Variants in RPSA2 observed in about 807,000 individuals in gnomAD.
The protein encoded by RPSA2 is ribosomal protein SA 2.
At chr19:23,794,684 G>T in the RPSA2 span, among the ~76,000 whole-genome samples, 1 of 152,012 alleles carries the variant, frequency 6.6e-6, no homozygotes, top group African/African-American at 2.4e-5. Flanking sequence ...AAGCTCTTTA[G>T]TTTAATTAGG....
At chr19:23,847,704 C>A in the RPSA2 span, among the ~76,000 whole-genome samples, 1 of 152,252 alleles carries the variant, frequency 6.6e-6, no homozygotes, top group East Asian at 1.9e-4. Flanking sequence ...GCTGGAGTTT[C>A]CCAATCCTAG....
the RPSA2 span, among the ~76,000 whole-genome samples, chr19:23,761,921 T>TCTC: frequency 1.2e-4 from 9 of 76,138 alleles, 2 homozygotes; most frequent in Admixed American, 3.3e-4. Context: ...TCTTTCTTTC[T>TCTC]TTTTTTTTTT....
the RPSA2 span, among the ~76,000 whole-genome samples, chr19:23,834,321 T>C: frequency 3.5e-4 from 1 of 2,836 alleles, no homozygotes; most frequent in Non-Finnish European, 0.019. Flanking sequence ...CTTCATGCTC[T>C]TCCATATTCC....
At chr19:23,773,956 G>T in the RPSA2 span, among the ~76,000 whole-genome samples, 1 of 151,030 alleles carries the variant, frequency 6.6e-6, no homozygotes, top group East Asian at 2.0e-4. Context: ...GCACCTTCCT[G>T]CAGGTTTAAT....
At chr19:23,836,417 A>G in the RPSA2 span, among the ~76,000 whole-genome samples, 67 of 152,090 alleles carry the variant, frequency 4.4e-4, no homozygotes, top group African/African-American at 1.5e-3. Context: ...CCACTCGTTG[A>G]TTGATGGGCA....
At chr19:23,834,762 C>G in the RPSA2 span, among the ~76,000 whole-genome samples, 1 of 152,010 alleles carries the variant, frequency 6.6e-6, no homozygotes, top group Non-Finnish European at 1.5e-5. Context: ...TTAACCTATT[C>G]CATCTTACAC....
At chr19:23,836,580 T>A in the RPSA2 span, among the ~76,000 whole-genome samples, 1 of 152,220 alleles carries the variant, frequency 6.6e-6, no homozygotes, top group Non-Finnish European at 1.5e-5. Context: ...TTTAGTTCTT[T>A]AAGGAATTTC....
the RPSA2 span, among the ~76,000 whole-genome samples, chr19:23,821,504 C>CCT: frequency 6.6e-6 from 1 of 152,226 alleles, no homozygotes; most frequent in East Asian, 1.9e-4. Flanking sequence ...TCTTCCCTGC[C>CCT]TCCCCCACTT....
chr19:23,871,110 G>A, the RPSA2 span, among the ~76,000 whole-genome samples: 5 of 152,250 alleles, frequency 3.3e-5, no homozygotes, highest in African/African-American at 1.2e-4. Flanking sequence ...CTAGAACTCA[G>A]GGCCCTTGTT....
the RPSA2 span, among the ~76,000 whole-genome samples, chr19:23,834,639 A>T: frequency 2.6e-5 from 4 of 152,056 alleles, no homozygotes; most frequent in African/African-American, 4.8e-5. Flanking sequence ...ATGGAATACT[A>T]TACAGCATAT....
the RPSA2 span, among the ~76,000 whole-genome samples, chr19:23,825,001 A>C: frequency 6.6e-6 from 1 of 151,036 alleles, no homozygotes; most frequent in African/African-American, 2.4e-5. Flanking sequence ...TTTTTTTGAG[A>C]TGGAGTCTCG....
the RPSA2 span, among the ~76,000 whole-genome samples, chr19:23,814,201 G>T: frequency 1.7e-5 from 2 of 119,428 alleles, no homozygotes; most frequent in Non-Finnish European, 3.4e-5. Flanking sequence ...AACAGAGCAA[G>T]ACTCCATTTC....
the RPSA2 span, among the ~76,000 whole-genome samples, chr19:23,801,855 C>T: frequency 6.6e-6 from 1 of 152,110 alleles, no homozygotes; most frequent in African/African-American, 2.4e-5. Context: ...CCCCAATAAA[C>T]TGTGTACTTA....
the RPSA2 span, among the ~76,000 whole-genome samples, chr19:23,789,682 A>C: frequency 1.3e-5 from 2 of 152,054 alleles, no homozygotes; most frequent in African/African-American, 2.4e-5. Context: ...AGTGTCATCA[A>C]GGAACAAAAT....
the RPSA2 span, among the ~76,000 whole-genome samples, chr19:23,800,027 C>CTTTT: frequency 2.7e-5 from 3 of 110,948 alleles, no homozygotes; most frequent in Non-Finnish European, 5.6e-5. Flanking sequence ...TTTTCTTTTT[C>CTTTT]TTTTTTTTTT....
the RPSA2 span, among the ~76,000 whole-genome samples, chr19:23,852,877 T>C: frequency 6.6e-6 from 1 of 152,266 alleles, no homozygotes; most frequent in Non-Finnish European, 1.5e-5. Flanking sequence ...CTTTATCAAC[T>C]GCCATTCCTA....
chr19:23,833,719 C>T, the RPSA2 span, among the ~76,000 whole-genome samples: 4 of 152,044 alleles, frequency 2.6e-5, no homozygotes, highest in African/African-American at 9.7e-5. Context: ...GAAATAAAAG[C>T]ATAAAAGTGT....
chr19:23,867,995 G>A, the RPSA2 span, among the ~76,000 whole-genome samples: 1 of 152,144 alleles, frequency 6.6e-6, no homozygotes, highest in East Asian at 1.9e-4. Context: ...TCATCTGTTG[G>A]TGAAAGAATA....
chr19:23,857,657 A>T, the RPSA2 span, among the ~76,000 whole-genome samples: 2 of 147,122 alleles, frequency 1.4e-5, no homozygotes, highest in Non-Finnish European at 3.0e-5. Flanking sequence ...CACCTAGCTA[A>T]TTTTTTTTTT....
Sources: gnomAD v4.1 joint callset for allele counts (sites outside exome capture counted in the v4.1 genomes callset) on GRCh38, gnomAD v4.1.1 for gene constraint, MANE v1.5 for transcripts, NCBI Gene and HGNC (gene_info 2026-07-23, HGNC 2026-07-21) for gene names.